The following RTL4 variants were observed in gnomAD, a reference collection of about 807,000 sequenced individuals.
The protein encoded by RTL4 is retrotransposon Gag like 4.
Under a neutral mutation model 5.3 loss-of-function variants are expected in RTL4, and 4 were observed. The ratio of observed to expected loss-of-function variants is 0.75; its 90% CI spans 0.37 to 1.72. The LOEUF (loss-of-function observed/expected upper bound fraction) is 1.72. Among genes scored for constraint, RTL4 ranks in the 40% most tolerant of loss-of-function variants. The probability of loss-of-function intolerance (pLI) is 0.04; values close to 1 mark genes in which losing one functional copy is unlikely to be tolerated. For synonymous variants in RTL4, 98 were observed against 87.3 expected (o/e 1.12, Z -0.68); for missense variants, 260 against 227.1 (o/e 1.14, Z -0.93).
chrX:112,392,640 C>A, the RTL4 span, among the ~76,000 whole-genome samples: 1 of 111,102 alleles, frequency 9.0e-6, no homozygotes, highest in Admixed American at 9.5e-5. Context: ...CTGGTCACCT[C>A]GAACACTTCA....
At chrX:112,100,394 TA>T in the RTL4 span, among the ~76,000 whole-genome samples, 1 of 112,067 alleles carries the variant, frequency 8.9e-6, no homozygotes, top group African/African-American at 3.2e-5. Context: ...AAATGAGGGT[TA>T]TTTTTTACTG....
At chrX:112,237,515 C>T in the RTL4 span, among the ~76,000 whole-genome samples, 1 of 112,181 alleles carries the variant, frequency 8.9e-6, no homozygotes, top group Non-Finnish European at 1.9e-5. Context: ...GGGCAGAAGG[C>T]TGCTATTTGC....
chrX:112,119,918 C>G, the RTL4 span, among the ~76,000 whole-genome samples: 2 of 112,062 alleles, frequency 1.8e-5, no homozygotes, highest in Non-Finnish European at 3.8e-5. Context: ...ATGTTTGCTA[C>G]CTTTCATGTT....
chrX:112,455,826 C>T (rs1926833760), exon 1 of RTL4: 1 of 465,774 alleles, frequency 2.1e-6, no homozygotes. Flanking sequence ...TGTTCATTGG[C>T]AAATTACCCC....
chrX:112,371,007 G>C, the RTL4 span, among the ~76,000 whole-genome samples: 7 of 109,833 alleles, frequency 6.4e-5, no homozygotes, highest in Non-Finnish European at 1.3e-4. Flanking sequence ...TCCTGGCTCT[G>C]CAGGGCCCAA....
At chrX:112,186,099 G>A in the RTL4 span, among the ~76,000 whole-genome samples, 1 of 111,331 alleles carries the variant, frequency 9.0e-6, no homozygotes, top group Non-Finnish European at 1.9e-5. Flanking sequence ...TCACCCTTCA[G>A]CACTCCTTCT....
At chrX:112,168,507 T>C in the RTL4 span, among the ~76,000 whole-genome samples, 1 of 111,287 alleles carries the variant, frequency 9.0e-6, no homozygotes, top group African/African-American at 3.3e-5. Flanking sequence ...TGAGATAGGA[T>C]AAAAGGATGC....
chrX:112,146,210 G>A, the RTL4 span, among the ~76,000 whole-genome samples: 1 of 111,239 alleles, frequency 9.0e-6, no homozygotes, highest in Non-Finnish European at 1.9e-5. Flanking sequence ...AATTTTGGAG[G>A]CATAACAAGA....
At chrX:112,288,250 G>A in the RTL4 span, among the ~76,000 whole-genome samples, 1 of 112,261 alleles carries the variant, frequency 8.9e-6, no homozygotes, top group African/African-American at 3.2e-5. Context: ...AAATAGTTCA[G>A]CGTAAGAAAT....
At chrX:112,272,681 C>T in the RTL4 span, among the ~76,000 whole-genome samples, 1 of 111,294 alleles carries the variant, frequency 9.0e-6, no homozygotes, top group Non-Finnish European at 1.9e-5. Context: ...ACCATGTAGT[C>T]TTTGTAAAGA....
the RTL4 span, among the ~76,000 whole-genome samples, chrX:112,228,137 T>C: frequency 9.0e-6 from 1 of 110,940 alleles, no homozygotes; most frequent in Non-Finnish European, 1.9e-5. Context: ...CAATGCTCAG[T>C]CCCCCTACCT....
the RTL4 span, among the ~76,000 whole-genome samples, chrX:112,168,680 G>A: frequency 8.9e-6 from 1 of 111,798 alleles, no homozygotes; most frequent in Non-Finnish European, 1.9e-5. Context: ...ACATCAGAAG[G>A]TTACCCTATA....
the RTL4 span, among the ~76,000 whole-genome samples, chrX:112,194,758 G>A: frequency 1.8e-5 from 2 of 111,891 alleles, no homozygotes; most frequent in Non-Finnish European, 1.9e-5. Context: ...CAATTATCGT[G>A]TAGCCTTTCC....
chrX:112,212,245 C>T, the RTL4 span, among the ~76,000 whole-genome samples: 10 of 110,993 alleles, frequency 9.0e-5, no homozygotes, highest in African/African-American at 1.3e-4. Context: ...GGCATGGTGG[C>T]GGGCGCCTGT....
the RTL4 span, among the ~76,000 whole-genome samples, chrX:112,124,176 G>T: frequency 1.5e-4 from 17 of 111,913 alleles, no homozygotes; most frequent in Non-Finnish European, 3.2e-4. Context: ...AACAATAGAT[G>T]CTGGCGAGGC....
At chrX:112,359,301 C>T in the RTL4 span, among the ~76,000 whole-genome samples, 14 of 111,407 alleles carry the variant, frequency 1.3e-4, no homozygotes, top group Admixed American at 4.8e-4. Flanking sequence ...AACAATCCAA[C>T]TGTACTCTTT....
At chrX:112,113,958 C>T in the RTL4 span, among the ~76,000 whole-genome samples, 2 of 111,167 alleles carry the variant, frequency 1.8e-5, no homozygotes, top group African/African-American at 6.6e-5. Flanking sequence ...ACCGAGGTTG[C>T]CAGTTTTAAT....
At chrX:112,103,470 G>A in the RTL4 span, among the ~76,000 whole-genome samples, 1 of 111,048 alleles carries the variant, frequency 9.0e-6, no homozygotes, top group Non-Finnish European at 1.9e-5. Context: ...GTTAAGGGAT[G>A]CTGGGCTTAA....
chrX:112,290,715 TATA>T, the RTL4 span, among the ~76,000 whole-genome samples: 2 of 111,960 alleles, frequency 1.8e-5, no homozygotes, highest in Non-Finnish European at 3.8e-5. Context: ...AGTATAGTAA[TATA>T]ATATTTAGCA....
Sources: gnomAD v4.1 joint callset for allele counts (sites outside exome capture counted in the v4.1 genomes callset) on GRCh38, gnomAD v4.1.1 for gene constraint, MANE v1.5 for transcripts, NCBI Gene and HGNC (gene_info 2026-07-23, HGNC 2026-07-21) for gene names.